The following ARAP2 variants were observed in gnomAD, a reference collection of about 807,000 sequenced individuals.
ARAP2 encodes the protein arf-GAP with Rho-GAP domain, ANK repeat and PH domain-containing protein 2.
A neutral mutation model predicts 194.5 loss-of-function variants in ARAP2; 148 were observed. That is an observed-to-expected ratio of 0.76 (90% CI 0.67 to 0.87). The LOEUF (loss-of-function observed/expected upper bound fraction) is 0.87, where lower values mean the gene tolerates loss of function less well. ARAP2 is among the 40% of genes least tolerant of loss of function. ARAP2 has a pLI of 0.00. For synonymous variants in ARAP2, 695 were observed against 683.5 expected (o/e 1.02, Z -0.26); for missense variants, 2,128 against 1,989.7 (o/e 1.07, Z -1.32).
chr4:36,091,660 G>A (rs1474965561), intron 28 of ARAP2, among the ~76,000 whole-genome samples: 1 of 151,850 alleles, frequency 6.6e-6, no homozygotes, highest in East Asian at 1.9e-4. Flanking sequence ...GTCATTTACT[G>A]CCCCTCAAAA....
At chr4:36,096,374 A>AAAAAAAGAAAG (rs1553899090) in intron 27 of ARAP2, among the ~76,000 whole-genome samples, 2 of 142,086 alleles carry the variant, frequency 1.4e-5, no homozygotes, top group East Asian at 2.0e-4. Context: ...AAAAAAAAAA[A>AAAAAAAGAAAG]AAAAAAGAAA....
chr4:36,199,956 T>C (rs1380853106), intron 6 of ARAP2, among the ~76,000 whole-genome samples: 1 of 152,186 alleles, frequency 6.6e-6, no homozygotes, highest in African/African-American at 2.4e-5. Flanking sequence ...TAAACACATA[T>C]AATCTTTGAA....
At chr4:36,187,882 T>C (rs1368918199) in intron 7 of ARAP2, among the ~76,000 whole-genome samples, 1 of 152,238 alleles carries the variant, frequency 6.6e-6, no homozygotes, top group Non-Finnish European at 1.5e-5. Flanking sequence ...AGCATGTTCT[T>C]TAAAACAATC....
At chr4:36,218,047 G>A (rs1748356460) in intron 2 of ARAP2, among the ~76,000 whole-genome samples, 1 of 151,930 alleles carries the variant, frequency 6.6e-6, no homozygotes, top group Non-Finnish European at 1.5e-5. Context: ...ACAGTGAGAA[G>A]ACATACTCTA....
At chr4:36,214,332 A>G in intron 3 of ARAP2, 90 bp downstream of exon 3, 1 of 999,050 alleles carries the variant, frequency 1.0e-6, no homozygotes, top group Non-Finnish European at 1.5e-6. Flanking sequence ...CCTATACCAC[A>G]GGTGGGCTGC....
intron 31 of ARAP2, among the ~76,000 whole-genome samples, chr4:36,077,830 T>C (rs1728596901): frequency 6.6e-6 from 1 of 152,212 alleles, no homozygotes; most frequent in South Asian, 2.1e-4. Flanking sequence ...ATGATGTTTA[T>C]AGAATAAAAC....
chr4:36,020,798 A>G (rs532898970), intron 5 of ARAP2, among the ~76,000 whole-genome samples: 16 of 152,322 alleles, frequency 1.1e-4, no homozygotes, highest in Non-Finnish European at 2.1e-4. Context: ...GATGGAGATG[A>G]TATCTAAGGC....
chr4:36,139,915 T>C (rs1254271361), intron 19 of ARAP2, among the ~76,000 whole-genome samples: 1 of 151,538 alleles, frequency 6.6e-6, no homozygotes, highest in African/African-American at 2.4e-5. Flanking sequence ...TATCAATCTA[T>C]CTTTCCAGGC....
At chr4:36,094,675 G>A (rs2109400644) in intron 27 of ARAP2, among the ~76,000 whole-genome samples, 1 of 152,246 alleles carries the variant, frequency 6.6e-6, no homozygotes, top group African/African-American at 2.4e-5. Flanking sequence ...TTAACACAAT[G>A]GTAATAATCT....
At position 36,054,507 on chromosome 4, in the gene ARAP2, T is replaced by C. The variant is rs1243599117; in HGVS notation, n.322-2454A>G. ...TTGGGGAAGTGAGATGAGAAATTAG[T>C]AACGATATGCACCTTCCAAAATCAA... is the stretch of plus-strand genomic sequence containing the variant. On this transcript the variant is annotated intron_variant and non_coding_transcript_variant, in intron 2 of 12. Coordinates refer to the ARAP2 transcript ENST00000503225. Among the ~76,000 whole-genome samples the C allele has an allele frequency of 2.0e-5, 3 of 152,300 alleles. No individual in the cohort carries two copies. The East Asian group carries it at 5.8e-4, about 29-fold the overall frequency.
In ARAP2 at chr4:36,161,722, T is replaced by C. The variant is rs547230776; in HGVS notation, c.2174-172A>G. 4.2e-5 allele frequency among the ~76,000 whole-genome samples: 6 copies of C among 143,034 alleles called. No individual in the cohort carries two copies. The South Asian group carries it at 1.3e-3, about 32-fold the overall frequency. 93.8% of individuals were successfully genotyped at this position (143,034 alleles called of 152,430 possible). ...AAGATGACAAGAGCACTAACAGTAG[T>C]GGTGAGAATTAGACAAATCGCAGCT... On this transcript the variant is annotated intron_variant, in intron 11 of 32. Transcript: ENST00000303965.
chr4:36,022,420 A>G (rs1717137376), intron 5 of ARAP2, among the ~76,000 whole-genome samples: 1 of 152,158 alleles, frequency 6.6e-6, no homozygotes, highest in African/African-American at 2.4e-5. Flanking sequence ...TTGGCAGGAA[A>G]AGAAAGACTG....
At chr4:36,070,908 CAA>C (rs1726700909) in intron 32 of ARAP2, among the ~76,000 whole-genome samples, 2 of 152,004 alleles carry the variant, frequency 1.3e-5, no homozygotes, top group African/African-American at 4.8e-5. Flanking sequence ...AAAATTTGCC[CAA>C]GTTTGCATAA....
chr4:36,191,535 C>T lies in ARAP2; in HGVS notation c.1557+2043G>A, dbSNP rs541098298. On this transcript the variant is annotated intron_variant, in intron 7 of 32. Coordinates refer to ENST00000303965, the MANE Select transcript of ARAP2 (RefSeq NM_015230.4). ...GCTGATTTATAATCTAGTATGAGAT[C>T]CCAAGAAAAATCTTGTAATTTTTAA... Among the ~76,000 whole-genome samples, 185 of 149,560 alleles carry T rather than the reference C, an allele frequency of 1.2e-3. 2 individuals carry two copies. Among genetic ancestry groups the T allele is most frequent in the Admixed American group, 7.1e-3 (105 of 14,870 alleles).
chr4:36,152,962 C>T (rs1731359292), intron 15 of ARAP2, among the ~76,000 whole-genome samples: 1 of 152,200 alleles, frequency 6.6e-6, no homozygotes. Flanking sequence ...GCCTCTCTCA[C>T]TTAGACAAGT....
chr4:36,150,509 G>A (rs984541350), intron 16 of ARAP2, among the ~76,000 whole-genome samples: 2 of 151,952 alleles, frequency 1.3e-5, no homozygotes, highest in African/African-American at 2.4e-5. Flanking sequence ...AGCTGGGTGT[G>A]GTAGCATGTG....
intron 22 of ARAP2, among the ~76,000 whole-genome samples, chr4:36,123,048 C>A (rs917136812): frequency 1.3e-5 from 2 of 151,780 alleles, no homozygotes; most frequent in African/African-American, 4.8e-5. Flanking sequence ...CAAGTGCAAT[C>A]ATCACACGTG....
intron 8 of ARAP2, among the ~76,000 whole-genome samples, chr4:36,184,188 A>G (rs918802331): frequency 6.6e-6 from 1 of 152,106 alleles, no homozygotes; most frequent in Non-Finnish European, 1.5e-5. Flanking sequence ...CTTTATTAAT[A>G]ACACTTTATT....
chr4:36,134,942 T>C (rs565554402), intron 19 of ARAP2, among the ~76,000 whole-genome samples: 29 of 151,862 alleles, frequency 1.9e-4, no homozygotes, highest in African/African-American at 6.7e-4. Context: ...TCATATCACC[T>C]TCTGTAGCTA....
Sources: gnomAD v4.1 joint callset for allele counts (sites outside exome capture counted in the v4.1 genomes callset) on GRCh38, gnomAD v4.1.1 for gene constraint, MANE v1.5 for transcripts, NCBI Gene and HGNC (gene_info 2026-07-23, HGNC 2026-07-21) for gene names.